The following GJA3 variants were observed in gnomAD, a reference collection of about 807,000 sequenced individuals.
GJA3 encodes the protein gap junction alpha-3 protein.
For synonymous variants in GJA3, 297 were observed against 292.6 expected, an observed-to-expected ratio of 1.02 and a Z score of -0.15; for missense variants, 571 against 620.3, an observed-to-expected ratio of 0.92 and a Z score of 0.84.
chr13:20,144,784 G>C (rs1375805057), intron 1 of GJA3, among the ~76,000 whole-genome samples: 1 of 152,218 alleles, frequency 6.6e-6, no homozygotes, highest in Non-Finnish European at 1.5e-5. Context: ...GCTGGGAATG[G>C]GAACAGAAAA....
chr13:20,146,961 A>G (rs1358997159), intron 1 of GJA3, among the ~76,000 whole-genome samples: 1 of 152,214 alleles, frequency 6.6e-6, no homozygotes. Context: ...CCTGACTCTA[A>G]TGTGACTGGG....
chr13:20,150,035 G>A (rs1958867415), intron 1 of GJA3, among the ~76,000 whole-genome samples: 1 of 152,190 alleles, frequency 6.6e-6, no homozygotes, highest in Non-Finnish European at 1.5e-5. Flanking sequence ...ACAGCAAGGA[G>A]ACACATTCTG....
chr13:20,148,291 T>C (rs1004599572), intron 1 of GJA3, among the ~76,000 whole-genome samples: 5 of 145,702 alleles, frequency 3.4e-5, no homozygotes, highest in African/African-American at 1.3e-4. Context: ...AGAGTCTCAT[T>C]CTGTCGCTCA....
intron 1 of GJA3, among the ~76,000 whole-genome samples, chr13:20,146,730 C>A (rs1958844961): frequency 6.6e-6 from 1 of 152,190 alleles, no homozygotes; most frequent in Non-Finnish European, 1.5e-5. Flanking sequence ...TCCAACAATA[C>A]CTTTGACCTC....
At chr13:20,150,438 G>A (rs1347509015) in intron 1 of GJA3, among the ~76,000 whole-genome samples, 2 of 152,190 alleles carry the variant, frequency 1.3e-5, no homozygotes, top group East Asian at 1.9e-4. Context: ...AGACTGGGCC[G>A]GGAGGACCGC....
chr13:20,139,337 A>G lies in GJA3; in HGVS notation c.*2644T>C, dbSNP rs1958794310. ...GCTTAGAGATTTTTTAAAACTTTCT[A>G]ATGAATCAAGAACAAAATAGTTTCA... is the stretch of plus-strand genomic sequence containing the variant. On this transcript the variant is annotated 3_prime_UTR_variant, in exon 2 of 2. Transcript: ENST00000241125. 1 of 152,136 alleles carries G rather than the reference A, an allele frequency of 6.6e-6. No individual in the cohort carries two copies. The highest frequency in any genetic ancestry group is 6.5e-5 in the Admixed American group (1 of 15,282). 9.4% of individuals were successfully genotyped at this position (152,136 alleles called of 1,614,324 possible). A position where few individuals can be genotyped will look rare whatever the true frequency, so the allele number is the denominator to read the frequency against.
At chr13:20,148,553 C>G (rs1049208638) in intron 1 of GJA3, among the ~76,000 whole-genome samples, 3 of 152,174 alleles carry the variant, frequency 2.0e-5, no homozygotes, top group Non-Finnish European at 4.4e-5. Context: ...GCCACCGCGC[C>G]CAGCCTGATA....
rs1425076011 is a variant in GJA3 at position 20,142,136 on chromosome 13, T to C, written c.1153A>G (p.Ser385Gly). 4.5e-6 allele frequency: 7 copies of C among 1,540,762 alleles called. No homozygotes were observed. The African/African-American group carries it at 9.6e-5, about 21-fold the overall frequency. Residue 385 changes from serine to glycine, a missense_variant, in exon 2 of 2, where the codon AGC becomes GGC. Physicochemically the swap from Ser to Gly is moderately conservative, Grantham distance 56 (BLOSUM62 0). Coordinates refer to ENST00000241125, the MANE Select transcript of GJA3 (RefSeq NM_021954.4). ...LDGSGSSLEG[S>G]ALAGTPEEEE... ...TCCTCGGGGGTCCCTGCCAGGGCGCTCCCCTCCAGACTGCTGCCGCTCCCA... is the reference window on the plus strand; with the variant it reads ...TCCTCGGGGGTCCCTGCCAGGGCGCCCCCCTCCAGACTGCTGCCGCTCCCA...
chr13:20,145,545 C>T (rs528178424), intron 1 of GJA3, among the ~76,000 whole-genome samples: 277 of 152,330 alleles, frequency 1.8e-3, no homozygotes, highest in African/African-American at 6.3e-3. Context: ...TGGGCTGGGA[C>T]CAGGCCCCCA....
intron 1 of GJA3, among the ~76,000 whole-genome samples, chr13:20,158,404 A>C (rs1958917635): frequency 1.3e-5 from 2 of 152,172 alleles, no homozygotes; most frequent in Non-Finnish European, 1.5e-5. Flanking sequence ...TAAAATCAAC[A>C]GGAAATGGAG....
chr13:20,158,849 C>T (rs988140599), intron 1 of GJA3, among the ~76,000 whole-genome samples: 3 of 139,838 alleles, frequency 2.1e-5, no homozygotes, highest in Non-Finnish European at 4.5e-5. Context: ...AGGCAGAAGT[C>T]GCAATGAGCC....
intron 1 of GJA3, among the ~76,000 whole-genome samples, chr13:20,155,950 C>A (rs1460812368): frequency 6.6e-6 from 1 of 152,030 alleles, no homozygotes; most frequent in Non-Finnish European, 1.5e-5. Context: ...TTGCAGGAAA[C>A]ATTACTCTCA....
rs374701362 is a variant in GJA3, at chr13:20,143,191, C to T, written c.98G>A (p.Arg33His). The T allele has an allele frequency of 6.3e-6, 10 of 1,594,868 alleles. No homozygotes were observed. The highest frequency in any genetic ancestry group is 8.6e-6 in the Non-Finnish European group (10 of 1,169,054). ...CGCCGCGGCCCCCAGCACCAAGATG[C>T]GGAAGATGAACAGCACGGTCAGCCA... ...KVWLTVLFIFRILVLGAAAED... is the reference protein window; with the variant it reads ...KVWLTVLFIFHILVLGAAAED... The change falls in exon 2 of 2, where the codon CGC (arginine) becomes CAC (histidine). Residue 33 changes from arginine to histidine, a missense_variant. Arg to His is a conservative substitution (Grantham distance 29). Transcript: ENST00000241125.
Position 20,141,607 on chromosome 13 carries a change from A to C in GJA3, c.*374T>G, listed in dbSNP as rs1236917208. 2 of 196,002 alleles carry C rather than the reference A, an allele frequency of 1.0e-5. No individual in the cohort carries two copies. Among genetic ancestry groups the C allele is most frequent in the Admixed American group, 1.2e-4 (2 of 17,284 alleles). The allele number at this position is 196,002 out of a possible 1,614,324, so 12.1% of individuals were successfully genotyped here. A position where few individuals can be genotyped will look rare whatever the true frequency, so the allele number is the denominator to read the frequency against. Reference sequence around the variant, plus strand: ...GGCTCTGGAGAGCTTAGGAATAGCAAACCCAATTGCCCAGGAGCTAAAGGG... The same window carrying C: ...GGCTCTGGAGAGCTTAGGAATAGCACACCCAATTGCCCAGGAGCTAAAGGG... On this transcript the variant is annotated 3_prime_UTR_variant, in exon 2 of 2. Transcript: ENST00000241125.
Position 20,141,663 on chromosome 13 carries a change from A to G in GJA3, c.*318T>C, listed in dbSNP as rs537744688. 3.2e-4 allele frequency: 124 copies of G among 386,824 alleles called. No individual in the cohort carries two copies. The highest frequency in any genetic ancestry group is 2.2e-3 in the African/African-American group (106 of 47,814). 24.0% of individuals were successfully genotyped at this position (386,824 alleles called of 1,614,324 possible). A position where few individuals can be genotyped will look rare whatever the true frequency, so the allele number is the denominator to read the frequency against. ...AGGATACCTGTTGCTTTACCACTAC[A>G]GAACAGTTACCCCCAGAGACAGCCC... On this transcript the variant is annotated 3_prime_UTR_variant, in exon 2 of 2. Transcript: ENST00000241125.
chr13:20,157,527 G>C (rs1398781515), intron 1 of GJA3, among the ~76,000 whole-genome samples: 1 of 152,162 alleles, frequency 6.6e-6, no homozygotes. Context: ...AGGGTCCTGA[G>C]ACTTGCCTAA....
Position 20,142,552 on chromosome 13 carries a change from G to A in GJA3, c.737C>T (p.Pro246Leu), listed in dbSNP as rs777503798. 4 of 1,574,550 alleles carry A rather than the reference G, an allele frequency of 2.5e-6. No individual in the cohort carries two copies. The highest frequency in any genetic ancestry group is 2.7e-5 in the African/African-American group (2 of 74,060). ...GGGCGGGGGATCGGCTGTCCCCAGC[G>A]GGGCCTCGGAGGCGTCCGGGCCGAG... is the stretch of plus-strand genomic sequence containing the variant. ...SRLGPDASEA[P>L]LGTADPPPLP... The change falls in exon 2 of 2, where the codon CCG becomes CTG. Residue 246 changes from proline (P) to leucine (L), a missense_variant. Transcript: ENST00000241125.
In GJA3 at chr13:20,141,897, T is replaced by G; in HGVS notation, c.*84A>C. The G allele has an allele frequency of 6.6e-7, 1 of 1,524,630 alleles. No homozygotes were observed. The highest frequency in any genetic ancestry group is 8.9e-7 in the Non-Finnish European group (1 of 1,128,768). The allele number at this position is 1,524,630 out of a possible 1,614,324, so 94.4% of individuals were successfully genotyped here. A position where few individuals can be genotyped will look rare whatever the true frequency, so the allele number is the denominator to read the frequency against. On this transcript the variant is annotated 3_prime_UTR_variant, in exon 2 of 2. Transcript: ENST00000241125. The stretch of plus-strand genomic sequence containing the variant: ...CCCACCTCCTGGGACTTTCAGGTTC[T>G]ATCTGCTGGTGGGAAGTGCACTTTG...
At chr13:20,150,033 G>C (rs1355494173) in intron 1 of GJA3, among the ~76,000 whole-genome samples, 1 of 152,202 alleles carries the variant, frequency 6.6e-6, no homozygotes, top group Non-Finnish European at 1.5e-5. Context: ...GGACAGCAAG[G>C]AGACACATTC....
Sources: gnomAD v4.1 joint callset for allele counts (sites outside exome capture counted in the v4.1 genomes callset) on GRCh38, gnomAD v4.1.1 for gene constraint, MANE v1.5 for transcripts, NCBI Gene and HGNC (gene_info 2026-07-23, HGNC 2026-07-21) for gene names.